Variants in BANK1 observed in about 807,000 individuals in gnomAD.
BANK1 encodes B-cell scaffold protein with ankyrin repeats.
In BANK1, 95 loss-of-function variants were observed where a neutral mutation model predicts 94.5. The ratio of observed to expected loss-of-function variants is 1.00; its 90% CI spans 0.85 to 1.19. BANK1 has a LOEUF of 1.19. Ranked by LOEUF, BANK1 falls within the 50% of genes most tolerant of loss-of-function variation. BANK1 has a pLI of 0.00. For missense variants in BANK1, 987 were observed against 932.2 expected, an observed-to-expected ratio of 1.06 and a Z score of -0.77; for synonymous variants, 334 against 308.4, an observed-to-expected ratio of 1.08 and a Z score of -0.87.
chr4:101,935,663 A>G (rs1723504239), intron 7 of BANK1, among the ~76,000 whole-genome samples: 1 of 151,544 alleles, frequency 6.6e-6, no homozygotes, highest in Non-Finnish European at 1.5e-5. Context: ...TCCCTCAAGT[A>G]ATTAGTTTAG....
chr4:102,064,394 A>G (rs1005505434), intron 13 of BANK1, among the ~76,000 whole-genome samples: 2 of 152,214 alleles, frequency 1.3e-5, no homozygotes, highest in African/African-American at 4.8e-5. Flanking sequence ...ATTACAAGTT[A>G]TATAAATAAT....
At chr4:101,824,973 T>C (rs1479995338) in intron 1 of BANK1, among the ~76,000 whole-genome samples, 2 of 152,150 alleles carry the variant, frequency 1.3e-5, no homozygotes, top group African/African-American at 2.4e-5. Flanking sequence ...GGTTTAAACA[T>C]TTGTTATAGT....
intron 5 of BANK1, among the ~76,000 whole-genome samples, chr4:101,877,130 G>A (rs747455878): frequency 6.6e-6 from 1 of 152,124 alleles, no homozygotes; most frequent in Non-Finnish European, 1.5e-5. Context: ...GGGGTAGAAA[G>A]TTTATTCAAA....
At chr4:101,961,368 T>C (rs1192864559) in intron 7 of BANK1, among the ~76,000 whole-genome samples, 1 of 152,144 alleles carries the variant, frequency 6.6e-6, no homozygotes, top group East Asian at 1.9e-4. Flanking sequence ...GTTGCATCCT[T>C]ATTAGCTTAC....
intron 14 of BANK1, among the ~76,000 whole-genome samples, chr4:102,071,734 G>C (rs374315644): frequency 2.0e-5 from 3 of 152,222 alleles, no homozygotes; most frequent in African/African-American, 7.2e-5. Context: ...AATGAAATTT[G>C]AGAAACATTT....
chr4:101,857,402 A>G (rs1321039019), intron 3 of BANK1, among the ~76,000 whole-genome samples: 1 of 152,040 alleles, frequency 6.6e-6, no homozygotes, highest in Admixed American at 6.6e-5. Flanking sequence ...ATGAAAAGGG[A>G]GTTAGTTTAA....
chr4:101,795,494 T>C (rs773051226), intron 1 of BANK1, among the ~76,000 whole-genome samples: 14 of 152,150 alleles, frequency 9.2e-5, no homozygotes, highest in Non-Finnish European at 1.6e-4. Flanking sequence ...ATGGCAATTG[T>C]AGAATATTTA....
Position 102,063,146 on chromosome 4 carries a change from A to C in BANK1, c.2212+8A>C, listed in dbSNP as rs779617046. On this transcript the variant is annotated splice_region_variant and intron_variant, in intron 13 of 16. Transcript: ENST00000322953. ...AAGAAGAAAATGTCTATAGTAAGTA[A>C]GATTCGCCTGCTATTCAAAAATAAT... The C allele has an allele frequency of 6.2e-7, 1 of 1,606,796 alleles. No homozygotes were observed. Among genetic ancestry groups the C allele is most frequent in the African/African-American group, 1.3e-5 (1 of 74,712 alleles).
intron 1 of BANK1, among the ~76,000 whole-genome samples, chr4:101,810,263 A>G (rs776856907): frequency 1.3e-5 from 2 of 152,178 alleles, no homozygotes; most frequent in African/African-American, 2.4e-5. Context: ...CCCATTTCAA[A>G]CTCCTAACTT....
intron 1 of BANK1, among the ~76,000 whole-genome samples, chr4:101,829,084 G>A (rs551055940): frequency 1.3e-5 from 2 of 151,992 alleles, no homozygotes; most frequent in East Asian, 1.9e-4. Context: ...GAATGGTCTC[G>A]ATCTCCTGAC....
intron 11 of BANK1, among the ~76,000 whole-genome samples, chr4:102,056,159 A>C (rs1229354080): frequency 6.6e-6 from 1 of 152,114 alleles, no homozygotes; most frequent in Non-Finnish European, 1.5e-5. Context: ...CAGTACAAAC[A>C]CTCCCTCATC....
intron 5 of BANK1, among the ~76,000 whole-genome samples, chr4:101,891,271 G>C (rs1721859841): frequency 6.6e-6 from 1 of 151,954 alleles, no homozygotes; most frequent in Admixed American, 6.6e-5. Context: ...TTTTTGCTGG[G>C]CATAAGATTC....
intron 14 of BANK1, among the ~76,000 whole-genome samples, 181 bp downstream of exon 14, chr4:102,071,485 A>G (rs572548716): frequency 1.3e-5 from 2 of 152,352 alleles, no homozygotes; most frequent in Non-Finnish European, 2.9e-5. Flanking sequence ...TATAAAATAG[A>G]AACACTGAAG....
chr4:101,893,967 T>A (rs1219484379), intron 5 of BANK1, among the ~76,000 whole-genome samples: 1 of 152,064 alleles, frequency 6.6e-6, no homozygotes, highest in Non-Finnish European at 1.5e-5. Flanking sequence ...AGGCCATGCA[T>A]ATGATACCTA....
At chr4:101,915,265 A>G (rs1722791071) in intron 6 of BANK1, among the ~76,000 whole-genome samples, 1 of 152,140 alleles carries the variant, frequency 6.6e-6, no homozygotes, top group Non-Finnish European at 1.5e-5. Context: ...TGACACTATG[A>G]CTAAATACTA....
At chr4:101,896,240 C>A (rs953151474) in intron 6 of BANK1, among the ~76,000 whole-genome samples, 1 of 151,542 alleles carries the variant, frequency 6.6e-6, no homozygotes, top group Admixed American at 6.6e-5. Context: ...GTTTATAATT[C>A]ATTTATATGC....
At chr4:102,070,158 G>C (rs905003185) in intron 13 of BANK1, among the ~76,000 whole-genome samples, 23 of 152,236 alleles carry the variant, frequency 1.5e-4, no homozygotes, top group African/African-American at 5.3e-4. Context: ...GAGCAGGAAG[G>C]AAAGAAAAGC....
At chr4:101,835,562 G>A (rs1030399397) in intron 2 of BANK1, among the ~76,000 whole-genome samples, 1 of 152,092 alleles carries the variant, frequency 6.6e-6, no homozygotes, top group Admixed American at 6.5e-5. Context: ...TTTAAAAGAA[G>A]GACAAAATGA....
rs1727780794 is a variant in BANK1, at chr4:102,043,785, T to C, written c.1901-54T>C. 7.5e-6 allele frequency: 9 copies of C among 1,204,664 alleles called. 1 individual carries two copies. The highest frequency in any genetic ancestry group is 7.4e-5 in the South Asian group (5 of 67,866). 74.6% of individuals were successfully genotyped at this position (1,204,664 alleles called of 1,614,324 possible). On this transcript the variant is annotated intron_variant, in intron 10 of 16. Transcript: ENST00000322953. ...TGGCTTCCTGGAGACTTCTACAGTA[T>C]GGATTTTTTGAACGTTTATGTTCAG...
Sources: gnomAD v4.1 joint callset for allele counts (sites outside exome capture counted in the v4.1 genomes callset) on GRCh38, gnomAD v4.1.1 for gene constraint, MANE v1.5 for transcripts, NCBI Gene and HGNC (gene_info 2026-07-23, HGNC 2026-07-21) for gene names.